HOXC4: variants seen among roughly 807,000 people sequenced by gnomAD.
The protein encoded by HOXC4 is homeobox C4.
In HOXC4, 15 loss-of-function variants were observed where a neutral mutation model predicts 25.5. The observed-to-expected ratio is 0.59, with a 90% confidence interval of 0.39 to 0.91. HOXC4 has a LOEUF of 0.91. Among genes scored for constraint, HOXC4 ranks in the 40% least tolerant of loss-of-function variants. HOXC4 has a pLI of 0.00. For missense variants in HOXC4, 342 were observed against 352.4 expected, an observed-to-expected ratio of 0.97 and a Z score of 0.24; for synonymous variants, 165 against 148.0, an observed-to-expected ratio of 1.11 and a Z score of -0.83.
chr12:54,028,679 C>T (rs781157605), intron 1 of HOXC4: 3 of 1,614,128 alleles, frequency 1.9e-6, no homozygotes, highest in South Asian at 2.2e-5. Flanking sequence ...TACTCGACTC[C>T]CTTTTATTCG....
At chr12:54,028,737 T>C in intron 1 of HOXC4, 2 of 1,614,160 alleles carry the variant, frequency 1.2e-6, no homozygotes, top group Non-Finnish European at 8.5e-7. Context: ...CGTATGACTA[T>C]GGATCTAATT....
At chr12:54,032,991 A>G (rs1941044117) in intron 1 of HOXC4, 3 of 705,810 alleles carry the variant, frequency 4.3e-6, no homozygotes, top group Admixed American at 2.9e-5. Flanking sequence ...GGAAGAGCGC[A>G]TAGGATAAAG....
At chr12:54,032,665 A>G (rs996443387) in intron 1 of HOXC4, among the ~76,000 whole-genome samples, 6 of 152,222 alleles carry the variant, frequency 3.9e-5, no homozygotes, top group African/African-American at 1.4e-4. Context: ...CCCAACAACC[A>G]GCTTCTCCTT....
chr12:54,038,645 C>T (rs920107580), intron 1 of HOXC4, among the ~76,000 whole-genome samples: 2 of 152,202 alleles, frequency 1.3e-5, no homozygotes, highest in African/African-American at 4.8e-5. Flanking sequence ...GCATCTTAGT[C>T]CGTCTGAAGC....
chr12:54,034,708 C>T (rs1941135509), intron 1 of HOXC4: 1 of 549,404 alleles, frequency 1.8e-6, no homozygotes, highest in Non-Finnish European at 3.3e-6. Flanking sequence ...CTCCCCTCAG[C>T]TCGGCTCAGC....
rs373923430 is a variant in HOXC4 at position 54,043,661 on chromosome 12, A to G, written c.-123-9499A>G. 1.0e-4 allele frequency among the ~76,000 whole-genome samples: 15 copies of G among 150,434 alleles called. No homozygotes were observed. In the South Asian group the frequency reaches 2.9e-3, roughly 30 times the overall value. ...TGCCTTTCTGGAAAACTCAAACGCT[A>G]GAGCTGACTCCAGGGATGGTGGCAG... On this transcript the variant is annotated intron_variant, in intron 1 of 3. Coordinates refer to the HOXC4 transcript ENST00000303406.
At chr12:54,047,543 G>T (rs1291133869) in intron 1 of HOXC4, among the ~76,000 whole-genome samples, 2 of 152,230 alleles carry the variant, frequency 1.3e-5, no homozygotes, top group Non-Finnish European at 2.9e-5. Context: ...TTAAACAGTC[G>T]GAGGCAGAGG....
intron 1 of HOXC4, chr12:54,034,634 T>G (rs780613623): frequency 2.9e-6 from 2 of 683,714 alleles, no homozygotes; most frequent in Non-Finnish European, 4.9e-6. Context: ...CAAAAGCGCT[T>G]TTCCTTGGCA....
chr12:54,041,372 C>T (rs1409156415), intron 1 of HOXC4, among the ~76,000 whole-genome samples: 2 of 152,228 alleles, frequency 1.3e-5, no homozygotes, highest in Non-Finnish European at 2.9e-5. Context: ...TGGTTGGGTT[C>T]TCCTCCCCTT....
chr12:54,039,446 G>A (rs369858417), intron 1 of HOXC4, among the ~76,000 whole-genome samples: 46 of 152,178 alleles, frequency 3.0e-4, no homozygotes, highest in Middle Eastern at 3.4e-3. Flanking sequence ...AGGAGCTCGG[G>A]AACCCGACAT....
At chr12:54,036,792 C>T (rs1034682255) in intron 1 of HOXC4, among the ~76,000 whole-genome samples, 7 of 152,214 alleles carry the variant, frequency 4.6e-5, no homozygotes, top group African/African-American at 9.7e-5. Flanking sequence ...GAAGCACTGG[C>T]GTCTCCGGTG....
chr12:54,052,023 C>T (rs1041514693), upstream of HOXC4, among the ~76,000 whole-genome samples: 5 of 152,114 alleles, frequency 3.3e-5, no homozygotes, highest in African/African-American at 1.2e-4. Context: ...ATTAAACCCT[C>T]AAATAGTTGT....
chr12:54,022,481 C>G (rs942381213), intron 1 of HOXC4: 8 of 152,116 alleles, frequency 5.3e-5, no homozygotes, highest in Non-Finnish European at 1.0e-4. Context: ...AAGTAATATT[C>G]TCATTTCTGA....
In HOXC4 at chr12:54,054,320, C is replaced by A. The variant is rs948422848; in HGVS notation, c.398C>A (p.Pro133His). The A allele has an allele frequency of 1.2e-6, 2 of 1,601,378 alleles. No homozygotes were observed. Among genetic ancestry groups the A allele is most frequent in the Non-Finnish European group, 1.7e-6 (2 of 1,174,582 alleles). ...CCCTCCAGCGCCGCCAGCAAGCAAC[C>A]CATAGTCTACCCATGGATGAAAAAA... ...DHPSSAASKQ[P>H]IVYPWMKKIH... Residue 133 changes from proline (P) to histidine (H), a missense_variant, in exon 1 of 2, where the codon CCC (proline) becomes CAC (histidine). Coordinates refer to ENST00000430889, the MANE Select transcript of HOXC4 (RefSeq NM_153633.3).
intron 1 of HOXC4, chr12:54,029,980 A>T (rs1257429842): frequency 6.6e-7 from 1 of 1,511,978 alleles, no homozygotes; most frequent in Non-Finnish European, 8.9e-7. Flanking sequence ...TGTCCCTGCC[A>T]CCCCTCTCTC....
At chr12:54,040,708 A>G (rs1263556983) in intron 1 of HOXC4, among the ~76,000 whole-genome samples, 2 of 152,204 alleles carry the variant, frequency 1.3e-5, no homozygotes, top group Non-Finnish European at 2.9e-5. Flanking sequence ...CTGAATTCAA[A>G]TTCTGGCTGT....
At chr12:54,023,117 A>G (rs1940524174) in intron 1 of HOXC4, among the ~76,000 whole-genome samples, 1 of 152,138 alleles carries the variant, frequency 6.6e-6, no homozygotes, top group Non-Finnish European at 1.5e-5. Flanking sequence ...CTGTGTCCCC[A>G]GGCTCTCCCC....
chr12:54,032,947 A>T, intron 1 of HOXC4: 1 of 588,830 alleles, frequency 1.7e-6, no homozygotes, highest in Non-Finnish European at 2.9e-6. Flanking sequence ...TGGCCGCTCG[A>T]GTCACGTGAC....
rs371650916 is a variant in HOXC4 at position 54,054,206 on chromosome 12, A to G, written c.284A>G (p.Gln95Arg). 2.5e-6 allele frequency: 4 copies of G among 1,612,340 alleles called. No individual in the cohort carries two copies. Among genetic ancestry groups the G allele is most frequent in the African/African-American group, 2.7e-5 (2 of 74,740 alleles). Residue 95 changes from glutamine (Q) to arginine (R), a missense_variant, in exon 1 of 2, where the codon CAG (glutamine) becomes CGG (arginine). Coordinates refer to ENST00000430889, the MANE Select transcript of HOXC4 (RefSeq NM_153633.3). ...QAGHHHPEKS[Q>R]SLCEPAPLSG... ...GGCCACCACCACCCCGAGAAATCAC[A>G]GTCGCTCTGCGAGCCGGCGCCTCTC...
Sources: allele counts gnomAD v4.1 joint callset (sites outside exome capture counted in the v4.1 genomes callset), GRCh38; gene constraint gnomAD v4.1.1; transcripts MANE v1.5; gene names NCBI Gene and HGNC (gene_info 2026-07-23, HGNC 2026-07-21).